Variants in EGFLAM observed in about 807,000 individuals in gnomAD.
EGFLAM encodes pikachurin.
In EGFLAM, 79 loss-of-function variants were observed where a neutral mutation model predicts 113.1. That is an observed-to-expected ratio of 0.70 (90% CI 0.58 to 0.84). EGFLAM has a LOEUF of 0.84. EGFLAM is among the 40% of genes least tolerant of loss of function. EGFLAM has a pLI of 0.00. For synonymous variants in EGFLAM, 504 were observed against 487.6 expected, an observed-to-expected ratio of 1.03 and a Z score of -0.44; for missense variants, 1,265 against 1,291.6, an observed-to-expected ratio of 0.98 and a Z score of 0.32.
intron 6 of EGFLAM, among the ~76,000 whole-genome samples, chr5:38,381,442 T>C (rs762174015): frequency 8.5e-5 from 13 of 152,134 alleles, no homozygotes; most frequent in African/African-American, 2.4e-4. Flanking sequence ...GAAACACTTA[T>C]GTACAAATAT....
At position 38,311,070 on chromosome 5, in the gene EGFLAM, C is replaced by G. The variant is rs150757787; in HGVS notation, c.98-26450C>G. On this transcript the variant is annotated intron_variant, in intron 1 of 21. Transcript: ENST00000322350. ...GTCGCATTTCCTATACAGCAGCCAC[C>G]TGTCTATTTTTCAAATGTTTAAAAA... 2.7e-3 allele frequency among the ~76,000 whole-genome samples: 416 copies of G among 152,064 alleles called. 3 individuals are homozygous for G. The highest frequency in any genetic ancestry group is 9.6e-3 in the African/African-American group (400 of 41,458).
chr5:38,258,599 G>T lies in EGFLAM; in HGVS notation c.-156G>T. Reference sequence around the variant, plus strand: ...CCTCCCGGCTGCAGTCCTACCTCTTGGAACTACCCGTGTTTCCGGGCCCAG... The same window carrying T: ...CCTCCCGGCTGCAGTCCTACCTCTTTGAACTACCCGTGTTTCCGGGCCCAG... On this transcript the variant is annotated 5_prime_UTR_variant, in exon 1 of 22. Coordinates refer to ENST00000322350, the MANE Select transcript of EGFLAM (RefSeq NM_152403.4). The T allele has an allele frequency of 1.2e-6, 1 of 807,260 alleles. No homozygotes were observed. The highest frequency in any genetic ancestry group is 1.6e-5 in the South Asian group (1 of 62,102). The allele number at this position is 807,260 out of a possible 1,614,324, so 50.0% of individuals were successfully genotyped here. A position where few individuals can be genotyped will look rare whatever the true frequency, so the allele number is the denominator to read the frequency against.
At position 38,400,893 on chromosome 5, in the gene EGFLAM, C is replaced by T. The variant is rs116479658; in HGVS notation, c.713-5233C>T. On this transcript the variant is annotated intron_variant, in intron 6 of 21. Coordinates refer to ENST00000322350, the MANE Select transcript of EGFLAM (RefSeq NM_152403.4). ...GGCTTGTTGTGTTAGCTGATCCCTGCGGTCTCTCTATGAAAGTTAAAATTA... is the reference window on the plus strand; with the variant it reads ...GGCTTGTTGTGTTAGCTGATCCCTGTGGTCTCTCTATGAAAGTTAAAATTA... Among the ~76,000 whole-genome samples, 572 of 152,228 alleles carry T rather than the reference C, an allele frequency of 3.8e-3. 3 individuals are homozygous for T. Among genetic ancestry groups the T allele is most frequent in the African/African-American group, 0.013 (538 of 41,540 alleles).
chr5:38,319,544 C>T (rs1014399392), intron 1 of EGFLAM, among the ~76,000 whole-genome samples: 41 of 152,250 alleles, frequency 2.7e-4, no homozygotes, highest in African/African-American at 6.5e-4. Flanking sequence ...TGACATTCTA[C>T]GGGCTATTGG....
intron 6 of EGFLAM, among the ~76,000 whole-genome samples, chr5:38,399,383 T>A (rs1019306325): frequency 5.4e-5 from 8 of 147,300 alleles, no homozygotes; most frequent in Non-Finnish European, 1.2e-4. Context: ...GCTCAAGCGA[T>A]CCTGCCATCT....
intron 14 of EGFLAM, 29 bp from the exon 15 acceptor site, chr5:38,431,148 A>G (rs1468283218): frequency 6.2e-7 from 1 of 1,601,416 alleles, no homozygotes; most frequent in South Asian, 1.1e-5. Context: ...CTCGATACAT[A>G]AAAATAATAT....
intron 19 of EGFLAM, among the ~76,000 whole-genome samples, chr5:38,452,764 G>C (rs1198189580): frequency 6.6e-6 from 1 of 152,192 alleles, no homozygotes; most frequent in Non-Finnish European, 1.5e-5. Context: ...TGAGAGTTTT[G>C]TAAATACTTC....
At chr5:38,407,400 A>T (rs1692492311) in intron 8 of EGFLAM, among the ~76,000 whole-genome samples, 1 of 152,210 alleles carries the variant, frequency 6.6e-6, no homozygotes, top group African/African-American at 2.4e-5. Context: ...AATCATCCTG[A>T]TACTATCTTA....
intron 15 of EGFLAM, among the ~76,000 whole-genome samples, chr5:38,434,264 G>C (rs1445894894): frequency 6.6e-6 from 1 of 152,152 alleles, no homozygotes; most frequent in Admixed American, 6.5e-5. Flanking sequence ...CTGTGTCTAG[G>C]GTAGGATATG....
intron 1 of EGFLAM, among the ~76,000 whole-genome samples, chr5:38,323,074 A>G (rs1738782893): frequency 6.6e-6 from 1 of 152,128 alleles, no homozygotes; most frequent in Non-Finnish European, 1.5e-5. Context: ...CCTATTCGGA[A>G]TTTTCTGACT....
At chr5:38,367,916 A>C (rs1579828328) in intron 5 of EGFLAM, among the ~76,000 whole-genome samples, 1 of 152,356 alleles carries the variant, frequency 6.6e-6, no homozygotes, top group South Asian at 2.1e-4. Flanking sequence ...CTATAGAATA[A>C]AAATAAATGC....
chr5:38,258,827 C>T lies in EGFLAM; in HGVS notation c.73C>T (p.Leu25Phe), dbSNP rs765971409. The T allele has an allele frequency of 1.2e-6, 2 of 1,612,080 alleles. No homozygotes were observed. Among genetic ancestry groups the T allele is most frequent in the Non-Finnish European group, 1.7e-6 (2 of 1,179,402 alleles). The change falls in exon 1 of 22, where the codon CTC becomes TTC. Residue 25 changes from leucine (L) to phenylalanine (F), a missense_variant. Leu to Phe is a conservative substitution (Grantham distance 22, BLOSUM62 0). Coordinates refer to ENST00000322350, the MANE Select transcript of EGFLAM (RefSeq NM_152403.4). ...CAGCCTCGGACCCGGCGCGGTGTCGCTCCGAGCGGCCATCCGAAAACCAGG... is the reference window on the plus strand; with the variant it reads ...CAGCCTCGGACCCGGCGCGGTGTCGTTCCGAGCGGCCATCCGAAAACCAGG... ...ASSLGPGAVS[L>F]RAAIRKPGKV...
rs149052628 is a variant in EGFLAM, at chr5:38,262,230, C to T, written c.97+3379C>T. Among the ~76,000 whole-genome samples, 1,326 of 152,274 alleles carry T rather than the reference C, an allele frequency of 8.7e-3. 7 individuals are homozygous for T. Among genetic ancestry groups the T allele is most frequent in the South Asian group, 0.022 (105 of 4,828 alleles). On this transcript the variant is annotated intron_variant, in intron 1 of 21. Coordinates refer to ENST00000322350, the MANE Select transcript of EGFLAM (RefSeq NM_152403.4). The stretch of plus-strand genomic sequence containing the variant: ...CAGAAAGTGCGGGAGGACTGCCGTG[C>T]TTCTGTGGTGGGGCAGGAAGAAGGG...
chr5:38,287,016 T>C (rs898259250), intron 1 of EGFLAM, among the ~76,000 whole-genome samples: 3 of 152,238 alleles, frequency 2.0e-5, no homozygotes, highest in Non-Finnish European at 4.4e-5. Flanking sequence ...AGGGCAATGA[T>C]AGAAACACAG....
intron 6 of EGFLAM, among the ~76,000 whole-genome samples, chr5:38,395,690 G>A (rs1740941493): frequency 6.6e-6 from 1 of 152,130 alleles, no homozygotes; most frequent in Non-Finnish European, 1.5e-5. Flanking sequence ...CTGTGCAGCT[G>A]TAGGCGTGTA....
chr5:38,450,974 T>C (rs1742894522), intron 18 of EGFLAM, among the ~76,000 whole-genome samples: 1 of 152,208 alleles, frequency 6.6e-6, no homozygotes, highest in Non-Finnish European at 1.5e-5. Flanking sequence ...ACACACTTTC[T>C]GTTGGGGAAT....
chr5:38,373,462 TG>T (rs1314498950), intron 6 of EGFLAM, among the ~76,000 whole-genome samples: 1 of 152,220 alleles, frequency 6.6e-6, no homozygotes, highest in East Asian at 1.9e-4. Context: ...TCCATCTTTA[TG>T]TCCCCATGTA....
chr5:38,347,496 C>G (rs556573147), intron 3 of EGFLAM, among the ~76,000 whole-genome samples: 1 of 151,942 alleles, frequency 6.6e-6, no homozygotes. Context: ...CAGACTGGGG[C>G]GGGGCCAGAG....
chr5:38,456,190 C>T (rs1428093166), intron 19 of EGFLAM, among the ~76,000 whole-genome samples: 5 of 152,092 alleles, frequency 3.3e-5, no homozygotes, highest in African/African-American at 1.2e-4. Flanking sequence ...CTACATATGT[C>T]ATGTTACTTA....
Sources: allele counts gnomAD v4.1 joint callset (sites outside exome capture counted in the v4.1 genomes callset), GRCh38; gene constraint gnomAD v4.1.1; transcripts MANE v1.5; gene names NCBI Gene and HGNC (gene_info 2026-07-23, HGNC 2026-07-21).